UGT2B15: variants seen among roughly 807,000 people sequenced by gnomAD.
UGT2B15 encodes the protein UDP glucuronosyltransferase family 2 member B15.
In UGT2B15, 36 loss-of-function variants were observed where a neutral mutation model predicts 45.9. The ratio of observed to expected loss-of-function variants is 0.78; its 90% CI spans 0.60 to 1.04. The LOEUF (loss-of-function observed/expected upper bound fraction) is 1.04, where lower values mean the gene tolerates loss of function less well. UGT2B15 is among the 50% of genes least tolerant of loss of function. The pLI, the probability that UGT2B15 is intolerant of heterozygous loss-of-function variation, is 0.00. For synonymous variants in UGT2B15, 219 were observed against 216.4 expected (o/e 1.01, Z -0.11); for missense variants, 617 against 622.4 (o/e 0.99, Z 0.09).
intron 3 of UGT2B15, among the ~76,000 whole-genome samples, chr4:68,662,080 CTG>C (rs781762367): frequency 6.6e-6 from 1 of 151,942 alleles, no homozygotes; most frequent in African/African-American, 2.4e-5. Flanking sequence ...TAAAGTAACT[CTG>C]TGTTTTCAGC....
chr4:68,654,156 C>T lies in UGT2B15; in HGVS notation c.1194G>A (p.Ala398=), dbSNP rs139060822. Residue 398 remains alanine (A), a synonymous_variant, in exon 5 of 6, where the codon GCG becomes GCA. Transcript: ENST00000338206. ...TGTGAGCAATGTTATCATGTTGATC[C>T]GCAAACAAGGGAATGCCCACCATAG... ...GIPMVGIPLF[A]DQHDNIAHMK... The T allele has an allele frequency of 3.3e-3, 5,396 of 1,613,478 alleles. 26 individuals carry two copies. Among genetic ancestry groups the T allele is most frequent in the Non-Finnish European group, 3.9e-3 (4,551 of 1,179,658 alleles).
chr4:68,661,744 G>A (rs1288789085), intron 3 of UGT2B15, among the ~76,000 whole-genome samples: 4 of 152,074 alleles, frequency 2.6e-5, no homozygotes, highest in African/African-American at 9.7e-5. Context: ...AAGTGGCAGT[G>A]TTTGACACAA....
At chr4:68,667,962 T>G (rs1172570657) in intron 2 of UGT2B15, 78 bp downstream of exon 2, 13 of 1,554,508 alleles carry the variant, frequency 8.4e-6, no homozygotes, top group Non-Finnish European at 1.1e-5. Flanking sequence ...CACTCTGAGT[T>G]AAACACTCTG....
intron 5 of UGT2B15, among the ~76,000 whole-genome samples, chr4:68,647,721 T>G (rs572921645): frequency 6.6e-6 from 1 of 152,188 alleles, no homozygotes; most frequent in Non-Finnish European, 1.5e-5. Flanking sequence ...CTTTTTAATT[T>G]TTTTTTATTT....
At chr4:68,659,326 A>C (rs554218993) in intron 3 of UGT2B15, among the ~76,000 whole-genome samples, 1 of 152,090 alleles carries the variant, frequency 6.6e-6, no homozygotes, top group East Asian at 1.9e-4. Flanking sequence ...TTTCCAAACA[A>C]ATTATAAATT....
At chr4:68,651,014 T>A (rs1732638079) in intron 5 of UGT2B15, among the ~76,000 whole-genome samples, 1 of 99,094 alleles carries the variant, frequency 1.0e-5, no homozygotes, top group Non-Finnish European at 2.1e-5. Context: ...TTTTTTTTTG[T>A]AAATTTGTTT....
At chr4:68,658,559 TTTGC>T (rs1254256852) in intron 3 of UGT2B15, among the ~76,000 whole-genome samples, 3 of 152,094 alleles carry the variant, frequency 2.0e-5, no homozygotes, top group Non-Finnish European at 4.4e-5. Flanking sequence ...CAGAATGATC[TTTGC>T]TTGTGTAATT....
At position 68,670,006 on chromosome 4, in the gene UGT2B15, G is replaced by A. The variant is rs1461823794; in HGVS notation, c.613C>T (p.Gln205Ter). The stretch of plus-strand genomic sequence containing the variant: ...TTTATCCTCTCCATGAAAATCATTT[G>A]ATCACTTAATTCTGACATAACAACA... ...VPVVMSELSDQMIFMERIKNM... is the reference protein window; with the variant it reads ...VPVVMSELSD Residue 205 changes from glutamine (Q) to a stop codon, truncating the protein, a stop_gained, in exon 1 of 6, where the codon CAA (glutamine) becomes TAA (stop). Transcript: ENST00000338206. LOFTEE classifies it high-confidence loss of function. 10 of 1,613,850 alleles carry A rather than the reference G, an allele frequency of 6.2e-6. No homozygotes were observed. Among genetic ancestry groups the A allele is most frequent in the Non-Finnish European group, 8.5e-6 (10 of 1,179,940 alleles).
intron 3 of UGT2B15, among the ~76,000 whole-genome samples, chr4:68,656,078 T>G (rs571036403): frequency 6.6e-6 from 1 of 152,218 alleles, no homozygotes; most frequent in Admixed American, 6.5e-5. Context: ...TCAGACAAGA[T>G]CTGAAGTTTA....
chr4:68,661,401 A>G (rs572215741), intron 3 of UGT2B15, among the ~76,000 whole-genome samples: 1 of 152,040 alleles, frequency 6.6e-6, no homozygotes, highest in African/African-American at 2.4e-5. Flanking sequence ...TATCAATGAA[A>G]TATTCAAATA....
chr4:68,665,074 A>G (rs1481888360), intron 2 of UGT2B15, among the ~76,000 whole-genome samples: 1 of 152,180 alleles, frequency 6.6e-6, no homozygotes, highest in Non-Finnish European at 1.5e-5. Context: ...CACTGATCTC[A>G]TTCTGTGATG....
At chr4:68,655,968 G>A (rs1560606063) in intron 3 of UGT2B15, among the ~76,000 whole-genome samples, 1 of 152,050 alleles carries the variant, frequency 6.6e-6, no homozygotes, top group African/African-American at 2.4e-5. Context: ...TCCTATCAGT[G>A]CTTGGTACCA....
rs370111097 is a variant in UGT2B15 at position 68,670,080 on chromosome 4, G to A, written c.539C>T (p.Thr180Ile). 13 of 1,613,976 alleles carry A rather than the reference G, an allele frequency of 8.1e-6. No individual in the cohort carries two copies. In the African/African-American group the frequency reaches 9.3e-5, roughly 12 times the overall value. ...LYSLRFSVGY[T>I]FEKNGGGFLF... ...AAATCCTCCACCATTCTTCTCAAAT[G>A]TGTAGCCAACAGAGAATCGAAGACT... is the stretch of plus-strand genomic sequence containing the variant. Residue 180 changes from threonine (T) to isoleucine (I), a missense_variant, in exon 1 of 6, where the codon ACA becomes ATA. This residue lies in a region of UGT2B15 where 351 missense variants were observed against 342.1 expected (regional missense o/e 1.03). Transcript: ENST00000338206.
At chr4:68,658,775 C>A (rs1357024976) in intron 3 of UGT2B15, among the ~76,000 whole-genome samples, 1 of 152,030 alleles carries the variant, frequency 6.6e-6, no homozygotes, top group African/African-American at 2.4e-5. Context: ...TCCTTCAACT[C>A]ATTTTCAACT....
rs752867058 is a variant in UGT2B15 at position 68,654,221 on chromosome 4, C to T, written c.1129G>A (p.Gly377Arg). The stretch of plus-strand genomic sequence containing the variant: ...ATCGCCTCATAGATGCCATTGGTTC[C>T]ACCATGAGTTATAAAAGCTTTGGTT... ...PKTKAFITHG[G>R]TNGIYEAIYH... The change falls in exon 5 of 6, where the codon GGA becomes AGA. Residue 377 changes from glycine to arginine, a missense_variant. Gly to Arg is a moderately radical substitution (Grantham distance 125). Around this residue, in one of 3 missense-constraint regions of UGT2B15, gnomAD observed 265 missense variants for 245.1 expected, o/e 1.08. Transcript: ENST00000338206. The T allele has an allele frequency of 6.2e-7, 1 of 1,613,404 alleles. No homozygotes were observed. Among genetic ancestry groups the T allele is most frequent in the African/African-American group, 1.3e-5 (1 of 74,814 alleles).
At chr4:68,665,646 G>T (rs1733097992) in intron 2 of UGT2B15, among the ~76,000 whole-genome samples, 1 of 152,088 alleles carries the variant, frequency 6.6e-6, no homozygotes, top group African/African-American at 2.4e-5. Context: ...CATTATCTGA[G>T]AATCTAATAC....
In UGT2B15 at chr4:68,647,081, T is replaced by G. The variant is rs759806001; in HGVS notation, c.*23A>C. On this transcript the variant is annotated 3_prime_UTR_variant, in exon 6 of 6. Coordinates refer to ENST00000338206, the MANE Select transcript of UGT2B15 (RefSeq NM_001076.4). ...AGGAGGAGTCCCATCTTTCAGTCATTCCACTTCAGGCTTTTGATATAACTA... is the reference window on the plus strand; with the variant it reads ...AGGAGGAGTCCCATCTTTCAGTCATGCCACTTCAGGCTTTTGATATAACTA... 1 of 1,596,948 alleles carries G rather than the reference T, an allele frequency of 6.3e-7. No homozygotes were observed. Among genetic ancestry groups the G allele is most frequent in the Non-Finnish European group, 8.5e-7 (1 of 1,169,778 alleles).
intron 2 of UGT2B15, among the ~76,000 whole-genome samples, chr4:68,667,818 C>T (rs932932802): frequency 2.0e-5 from 3 of 152,098 alleles, no homozygotes; most frequent in Non-Finnish European, 4.4e-5. Flanking sequence ...TTACTTTAAC[C>T]AACCCTGTTT....
intron 3 of UGT2B15, among the ~76,000 whole-genome samples, chr4:68,660,338 C>A (rs891648411): frequency 1.1e-4 from 16 of 151,164 alleles, no homozygotes; most frequent in Non-Finnish European, 2.1e-4. Flanking sequence ...GCCCAGGAGC[C>A]CCAAGTTTAT....
Sources: gnomAD v4.1 joint callset for allele counts (sites outside exome capture counted in the v4.1 genomes callset) on GRCh38, gnomAD v4.1.1 for gene constraint, gnomAD v4.1.1 regional missense constraint, MANE v1.5 for transcripts, NCBI Gene and HGNC (gene_info 2026-07-23, HGNC 2026-07-21) for gene names.